GUCY1A2: variants seen among roughly 807,000 people sequenced by gnomAD.
GUCY1A2 encodes the protein guanylate cyclase soluble subunit alpha-2.
Under a neutral mutation model 63.5 loss-of-function variants are expected in GUCY1A2, and 27 were observed. The ratio of observed to expected loss-of-function variants is 0.43; its 90% CI spans 0.31 to 0.59. The LOEUF (loss-of-function observed/expected upper bound fraction) is 0.59, where lower values mean the gene tolerates loss of function less well. Ranked by LOEUF, GUCY1A2 falls within the 20% of genes least tolerant of loss-of-function variation. The probability of loss-of-function intolerance (pLI) is 0.11; values close to 1 mark genes in which losing one functional copy is unlikely to be tolerated. For synonymous variants in GUCY1A2, 364 were observed against 343.5 expected (o/e 1.06, Z -0.66); for missense variants, 768 against 913.3 (o/e 0.84, Z 2.05).
intron 5 of GUCY1A2, among the ~76,000 whole-genome samples, chr11:106,791,014 C>T (rs1864649744): frequency 1.3e-5 from 2 of 152,138 alleles, no homozygotes. Context: ...GTTGTGTCTC[C>T]CACAAGTCCA....
intron 4 of GUCY1A2, among the ~76,000 whole-genome samples, chr11:106,817,700 T>C (rs577640667): frequency 6.6e-5 from 10 of 152,030 alleles, no homozygotes; most frequent in Non-Finnish European, 1.5e-4. Flanking sequence ...ATACAGACAT[T>C]TCTCAAAAGA....
chr11:106,789,283 T>C (rs916712018), intron 5 of GUCY1A2, among the ~76,000 whole-genome samples: 1 of 152,252 alleles, frequency 6.6e-6, no homozygotes, highest in Non-Finnish European at 1.5e-5. Flanking sequence ...GACTGATGCA[T>C]TCTTCAGTAT....
chr11:106,981,064 A>C (rs1231905701), intron 2 of GUCY1A2, among the ~76,000 whole-genome samples: 1 of 152,270 alleles, frequency 6.6e-6, no homozygotes, highest in African/African-American at 2.4e-5. Flanking sequence ...CATAGTAAGC[A>C]ATCAAGAGAT....
At chr11:106,707,161 G>A (rs912507604) in intron 7 of GUCY1A2, among the ~76,000 whole-genome samples, 2 of 151,952 alleles carry the variant, frequency 1.3e-5, no homozygotes, top group Non-Finnish European at 2.9e-5. Flanking sequence ...GCTTTAAAAT[G>A]TATTTTTAAT....
intron 5 of GUCY1A2, among the ~76,000 whole-genome samples, chr11:106,799,408 T>C (rs1864828357): frequency 6.6e-6 from 1 of 152,122 alleles, no homozygotes; most frequent in Non-Finnish European, 1.5e-5. Context: ...TTAAAGTTCA[T>C]ATGGAACCAA....
chr11:106,746,694 A>G (rs1391420435), intron 6 of GUCY1A2: 2 of 1,035,062 alleles, frequency 1.9e-6, no homozygotes, highest in African/African-American at 1.6e-5. Context: ...AAAAATAAAA[A>G]ATCAGTACTG....
At chr11:106,850,719 C>T (rs1281252226) in intron 4 of GUCY1A2, among the ~76,000 whole-genome samples, 1 of 151,790 alleles carries the variant, frequency 6.6e-6, no homozygotes, top group Non-Finnish European at 1.5e-5. Context: ...ATATGTACTG[C>T]ATTTTCTTTA....
intron 1 of GUCY1A2, among the ~76,000 whole-genome samples, chr11:106,991,822 T>C (rs1861473710): frequency 1.3e-5 from 2 of 152,210 alleles, no homozygotes; most frequent in African/African-American, 2.4e-5. Flanking sequence ...ATGCAAATAA[T>C]TCAGCATTTA....
intron 5 of GUCY1A2, among the ~76,000 whole-genome samples, chr11:106,786,973 A>G (rs1864566458): frequency 2.0e-5 from 3 of 152,198 alleles, no homozygotes; most frequent in Admixed American, 6.5e-5. Context: ...AATGTCTGCT[A>G]TATTTTGAAT....
At chr11:106,883,617 C>T (rs1442049822) in intron 4 of GUCY1A2, among the ~76,000 whole-genome samples, 1 of 151,988 alleles carries the variant, frequency 6.6e-6, no homozygotes, top group East Asian at 1.9e-4. Flanking sequence ...ACATTTAGGT[C>T]TAATTTAAAT....
At chr11:106,907,186 T>C (rs72990329) in intron 4 of GUCY1A2, among the ~76,000 whole-genome samples, 23,236 of 152,008 alleles carry the variant, frequency 0.15, 2,146 homozygotes, top group South Asian at 0.28. Context: ...CCAAGCAGCT[T>C]ATATTAACTT....
At chr11:106,936,819 T>C (rs1565336986) in intron 4 of GUCY1A2, 4 of 590,208 alleles carry the variant, frequency 6.8e-6, no homozygotes, top group South Asian at 2.6e-5. Context: ...GGAATAAATA[T>C]AAATTATTTT....
intron 4 of GUCY1A2, among the ~76,000 whole-genome samples, chr11:106,896,964 C>T (rs1339672283): frequency 6.6e-6 from 1 of 151,952 alleles, no homozygotes; most frequent in Non-Finnish European, 1.5e-5. Context: ...AAAGAACCAA[C>T]AAAAAAATTC....
At chr11:106,853,210 A>G (rs12420816) in intron 4 of GUCY1A2, among the ~76,000 whole-genome samples, 39,068 of 151,964 alleles carry the variant, frequency 0.26, 5,113 homozygotes, top group African/African-American at 0.32. Context: ...TTCAGTTATT[A>G]TTTCATTAAA....
intron 5 of GUCY1A2, among the ~76,000 whole-genome samples, chr11:106,808,730 T>C (rs754173905): frequency 3.9e-5 from 6 of 151,984 alleles, no homozygotes; most frequent in South Asian, 2.1e-4. Flanking sequence ...GTGGCAGAGA[T>C]TGGTGTAATA....
intron 3 of GUCY1A2, among the ~76,000 whole-genome samples, chr11:106,976,987 C>T (rs79019235): frequency 1.3e-5 from 2 of 152,148 alleles, no homozygotes; most frequent in Non-Finnish European, 2.9e-5. Context: ...CACTCATTTA[C>T]AAGCCACAGT....
At chr11:106,767,663 T>C (rs1002295446) in intron 6 of GUCY1A2, among the ~76,000 whole-genome samples, 1 of 152,140 alleles carries the variant, frequency 6.6e-6, no homozygotes, top group African/African-American at 2.4e-5. Context: ...TATTGTGTTT[T>C]AAATCATTAT....
intron 6 of GUCY1A2, among the ~76,000 whole-genome samples, chr11:106,746,176 T>C (rs927502820): frequency 6.6e-6 from 1 of 152,004 alleles, no homozygotes; most frequent in Non-Finnish European, 1.5e-5. Context: ...TGGAGAGCAG[T>C]AGCTCATAGT....
Position 106,995,443 on chromosome 11 carries a change from T to C in GUCY1A2, c.304-9312A>G, listed in dbSNP as rs190508110. On this transcript the variant is annotated intron_variant, in intron 1 of 7. Coordinates refer to ENST00000526355, the MANE Select transcript of GUCY1A2 (RefSeq NM_000855.3). ...TCTCCAACCCCTTAACCTGCCCTTC[T>C]AAGCTGAAATACATTGTTCTATCTT... Among the ~76,000 whole-genome samples the C allele has an allele frequency of 4.7e-4, 72 of 152,304 alleles. 1 individual carries two copies. The highest frequency in any genetic ancestry group is 1.7e-3 in the African/African-American group (69 of 41,580).
Sources: allele counts gnomAD v4.1 joint callset (sites outside exome capture counted in the v4.1 genomes callset), GRCh38; gene constraint gnomAD v4.1.1; transcripts MANE v1.5; gene names NCBI Gene and HGNC (gene_info 2026-07-23, HGNC 2026-07-21).